Variants in CXXC4 observed in about 807,000 individuals in gnomAD.
The protein encoded by CXXC4 is CXXC-type zinc finger protein 4.
In CXXC4, 5 loss-of-function variants were observed where a neutral mutation model predicts 20.5. The observed-to-expected ratio is 0.24, with a 90% CI of 0.13 to 0.51. The LOEUF is 0.51. Among genes scored for constraint, CXXC4 ranks in the 20% least tolerant of loss-of-function variants. CXXC4 has a pLI of 0.97. For synonymous variants in CXXC4, 250 were observed against 216.4 expected, an observed-to-expected ratio of 1.16 and a Z score of -1.36; for missense variants, 419 against 496.4, an observed-to-expected ratio of 0.84 and a Z score of 1.48.
chr4:104,486,228 A>G (rs1347668145), intron 2 of CXXC4, among the ~76,000 whole-genome samples: 1 of 152,088 alleles, frequency 6.6e-6, no homozygotes, highest in Non-Finnish European at 1.5e-5. Context: ...ACGCTTTGTA[A>G]GTTTTTAAAC....
chr4:104,491,464 G>GCCC lies in CXXC4; in HGVS notation c.338_339insGGG (p.Gly134dup). ...CGCCGCCGCCGCCACCCCCCCCGCC[G>GCCC]CCGCCCCCGCCCCCGCCGCTGCCCC... On this transcript the variant is annotated inframe_insertion, in exon 2 of 3. Coordinates refer to ENST00000394767, the MANE Select transcript of CXXC4 (RefSeq NM_025212.4). 7 of 833,798 alleles carry GCCC rather than the reference G, an allele frequency of 8.4e-6. No individual in the cohort carries two copies. Among genetic ancestry groups the GCCC allele is most frequent in the Non-Finnish European group, 7.4e-6 (5 of 671,700 alleles). The allele number at this position is 833,798 out of a possible 1,614,324, so 51.6% of individuals were successfully genotyped here.
At chr4:104,488,982 C>T (rs1435654216) in intron 2 of CXXC4, among the ~76,000 whole-genome samples, 3 of 152,162 alleles carry the variant, frequency 2.0e-5, no homozygotes, top group African/African-American at 7.2e-5. Context: ...GCCATGTTGT[C>T]CTTATCAGCT....
intron 2 of CXXC4, among the ~76,000 whole-genome samples, chr4:104,487,330 C>A (rs1046401058): frequency 6.6e-6 from 1 of 152,132 alleles, no homozygotes; most frequent in Admixed American, 6.6e-5. Flanking sequence ...GAAACCAGAT[C>A]TGTGTGGTCT....
rs994881504 is a variant in CXXC4, at chr4:104,470,375, G to A, written c.*1947C>T. 1.3e-5 allele frequency: 2 copies of A among 151,816 alleles called. No individual in the cohort carries two copies. The highest frequency in any genetic ancestry group is 4.8e-5 in the African/African-American group (2 of 41,360). The allele number at this position is 151,816 out of a possible 1,614,324, so 9.4% of individuals were successfully genotyped here. A position where few individuals can be genotyped will look rare whatever the true frequency, so the allele number is the denominator to read the frequency against. ...CACATCATGAGTTTTTCTTGAAAAC[G>A]CTTGTTGACCATAACTGTGGACCAT... is the stretch of plus-strand genomic sequence containing the variant. On this transcript the variant is annotated 3_prime_UTR_variant, in exon 3 of 3. Coordinates refer to ENST00000394767, the MANE Select transcript of CXXC4 (RefSeq NM_025212.4).
At chr4:104,484,276 G>A (rs1386643361) in intron 2 of CXXC4, among the ~76,000 whole-genome samples, 4 of 151,966 alleles carry the variant, frequency 2.6e-5, no homozygotes, top group African/African-American at 9.7e-5. Context: ...AGGAAATAAA[G>A]TTCAGAGAAG....
At position 104,468,482 on chromosome 4, in the gene CXXC4, T is replaced by C; in HGVS notation, c.*3840A>G. The C allele has an allele frequency of 6.6e-6, 1 of 151,450 alleles. No individual in the cohort carries two copies. Among genetic ancestry groups the C allele is most frequent in the East Asian group, 1.9e-4 (1 of 5,176 alleles). 9.4% of individuals were successfully genotyped at this position (151,450 alleles called of 1,614,324 possible). ...TTTTCCAAAACCGTTTTTTAAATAA[T>C]TGCACAAGCATACATACACCTTACA... On this transcript the variant is annotated 3_prime_UTR_variant, in exon 3 of 3. Transcript: ENST00000394767.
rs1025323628 is a variant in CXXC4 at position 104,471,925 on chromosome 4, G to A, written c.*397C>T. On this transcript the variant is annotated 3_prime_UTR_variant, in exon 3 of 3. Transcript: ENST00000394767. ...ACACACAAAATACAAGCTGCTATCT[G>A]TACAGTTTACAGTACTGAAACACAT... 2 of 155,556 alleles carry A rather than the reference G, an allele frequency of 1.3e-5. No individual in the cohort carries two copies. Among genetic ancestry groups the A allele is most frequent in the African/African-American group, 4.8e-5 (2 of 41,538 alleles). 9.6% of individuals were successfully genotyped at this position (155,556 alleles called of 1,614,324 possible).
At chr4:104,477,468 C>G (rs1275863190) in intron 2 of CXXC4, among the ~76,000 whole-genome samples, 2 of 151,922 alleles carry the variant, frequency 1.3e-5, no homozygotes, top group Non-Finnish European at 2.9e-5. Flanking sequence ...TAATATGAAT[C>G]TTTGAATAAT....
chr4:104,491,355 AGGAGGAGGAGGC>A lies in CXXC4; in HGVS notation c.436_447del (p.Ala146_Ser149del), dbSNP rs746850358. The A allele has an allele frequency of 3.3e-5, 50 of 1,505,754 alleles. 2 individuals are homozygous for A. Among genetic ancestry groups the A allele is most frequent in the South Asian group, 3.3e-4 (26 of 79,280 alleles). The allele number at this position is 1,505,754 out of a possible 1,614,324, so 93.3% of individuals were successfully genotyped here. On this transcript the variant is annotated inframe_deletion, in exon 2 of 3. Coordinates refer to ENST00000394767, the MANE Select transcript of CXXC4 (RefSeq NM_025212.4). ...CCACCGCCGGCGGGGAGGATCGCCG[AGGAGGAGGAGGC>A]GGAGGAGGAGGCGGCGGCGGAGGAG...
intron 2 of CXXC4, among the ~76,000 whole-genome samples, chr4:104,486,419 T>G (rs1736696403): frequency 6.6e-6 from 1 of 152,076 alleles, no homozygotes; most frequent in South Asian, 2.1e-4. Context: ...GATAAAATTT[T>G]CCAAGCTTTT....
At chr4:104,485,441 C>T (rs1736661984) in intron 2 of CXXC4, among the ~76,000 whole-genome samples, 1 of 151,968 alleles carries the variant, frequency 6.6e-6, no homozygotes, top group South Asian at 2.1e-4. Flanking sequence ...AAAGCATATC[C>T]ACTCATATTG....
chr4:104,478,519 C>T (rs1736474959), intron 2 of CXXC4, among the ~76,000 whole-genome samples: 1 of 152,066 alleles, frequency 6.6e-6, no homozygotes, highest in Non-Finnish European at 1.5e-5. Flanking sequence ...TCTAATATAA[C>T]TACTTTAGTT....
At chr4:104,488,807 C>T (rs1736761804) in intron 2 of CXXC4, among the ~76,000 whole-genome samples, 1 of 152,226 alleles carries the variant, frequency 6.6e-6, no homozygotes, top group African/African-American at 2.4e-5. Flanking sequence ...GTACTCATAT[C>T]AAACCCCTGC....
Position 104,490,940 on chromosome 4 carries a change from G to C in CXXC4, c.863C>G (p.Ser288Cys), listed in dbSNP as rs555311957. 3 of 1,613,806 alleles carry C rather than the reference G, an allele frequency of 1.9e-6. No individual in the cohort carries two copies. The African/African-American group carries it at 4.0e-5, about 22-fold the overall frequency. Residue 288 changes from serine (S) to cysteine (C), a missense_variant, in exon 2 of 3, where the codon TCC becomes TGC. Coordinates refer to ENST00000394767, the MANE Select transcript of CXXC4 (RefSeq NM_025212.4). The stretch of plus-strand genomic sequence containing the variant: ...GCCAGCTCCCCCTGAGGAGGACGAG[G>C]AGGAGGAGGAATGATTCTGCGGGCA... Reference protein sequence around the residue: ...ADCPQNHSSSSSSSSGGAGGA... With the variant: ...ADCPQNHSSSCSSSSGGAGGA...
At chr4:104,473,943 T>C (rs1736342006) in intron 2 of CXXC4, among the ~76,000 whole-genome samples, 1 of 152,004 alleles carries the variant, frequency 6.6e-6, no homozygotes, top group Non-Finnish European at 1.5e-5. Flanking sequence ...AATAAAAGTA[T>C]TAATTGATTA....
chr4:104,487,408 G>T (rs1398125570), intron 2 of CXXC4, among the ~76,000 whole-genome samples: 2 of 152,106 alleles, frequency 1.3e-5, no homozygotes, highest in East Asian at 3.9e-4. Context: ...GGCTGGGGTT[G>T]CCCATGGGAC....
At chr4:104,478,637 A>G (rs1000002205) in intron 2 of CXXC4, among the ~76,000 whole-genome samples, 3 of 152,166 alleles carry the variant, frequency 2.0e-5, no homozygotes, top group African/African-American at 7.2e-5. Context: ...TTAGTGTATT[A>G]TAAGTGGGTA....
chr4:104,480,599 GT>G (rs1192728780), intron 2 of CXXC4, among the ~76,000 whole-genome samples: 2 of 143,586 alleles, frequency 1.4e-5, no homozygotes, highest in Non-Finnish European at 2.9e-5. Flanking sequence ...CCTGAAACTA[GT>G]TTTTCCACCA....
rs1736252505 is a variant in CXXC4, at chr4:104,470,812, A to G, written c.*1510T>C. On this transcript the variant is annotated 3_prime_UTR_variant, in exon 3 of 3. Transcript: ENST00000394767. ...ACTCCTGAAACTGAAAATAGTCTTT[A>G]TAATTGGGACAAACAGAAATAAAAT... is the stretch of plus-strand genomic sequence containing the variant. 1 of 152,086 alleles carries G rather than the reference A, an allele frequency of 6.6e-6. No homozygotes were observed. Among genetic ancestry groups the G allele is most frequent in the Non-Finnish European group, 1.5e-5 (1 of 67,994 alleles). The allele number at this position is 152,086 out of a possible 1,614,324, so 9.4% of individuals were successfully genotyped here.
Sources: gnomAD v4.1 joint callset for allele counts (sites outside exome capture counted in the v4.1 genomes callset) on GRCh38, gnomAD v4.1.1 for gene constraint, MANE v1.5 for transcripts, NCBI Gene and HGNC (gene_info 2026-07-23, HGNC 2026-07-21) for gene names.